The following NPM1 variants were observed in gnomAD, a reference collection of about 807,000 sequenced individuals.
The protein encoded by NPM1 is nucleophosmin 1.
NPM1 carries 1 observed loss-of-function variant against 44.1 expected under a neutral mutation model. The ratio of observed to expected loss-of-function variants is 0.02; its 90% CI spans 0.01 to 0.11. The LOEUF (loss-of-function observed/expected upper bound fraction) is 0.11. Among genes scored for constraint, NPM1 ranks in the 10% least tolerant of loss-of-function variants. The pLI, the probability that NPM1 is intolerant of heterozygous loss-of-function variation, is 1.00. For synonymous variants in NPM1, 126 were observed against 111.8 expected, an observed-to-expected ratio of 1.13 and a Z score of -0.80; for missense variants, 197 against 347.8, an observed-to-expected ratio of 0.57 and a Z score of 3.45.
intron 8 of NPM1, among the ~76,000 whole-genome samples, chr5:171,403,376 A>G (rs1332761824): frequency 4.0e-5 from 4 of 100,444 alleles, no homozygotes; most frequent in Non-Finnish European, 8.6e-5. Flanking sequence ...CTTAGTGCAG[A>G]ACAAAATGAA....
At chr5:171,406,575 T>G (rs760568553) in intron 9 of NPM1, 48 of 1,432,396 alleles carry the variant, frequency 3.4e-5, no homozygotes, top group Non-Finnish European at 4.1e-5. Context: ...CTGGAAACAA[T>G]CTCTTGGTTC....
intron 8 of NPM1, among the ~76,000 whole-genome samples, chr5:171,402,927 A>G (rs1771292320): frequency 7.3e-6 from 1 of 137,556 alleles, no homozygotes; most frequent in African/African-American, 2.7e-5. Flanking sequence ...TCTTTTCTTC[A>G]TAAATTACCC....
rs1307242486 is a variant in NPM1 at position 171,391,216 on chromosome 5, G to A, written c.139-89G>A. The A allele has an allele frequency of 1.7e-5, 24 of 1,427,068 alleles. No homozygotes were observed. The East Asian group carries it at 5.3e-4, about 31-fold the overall frequency. The allele number at this position is 1,427,068 out of a possible 1,614,324, so 88.4% of individuals were successfully genotyped here. ...TCTCAGAACCTAGCCCTGTGGTTAA[G>A]TGACGCATGGCTGCATATAACATTT... On this transcript the variant is annotated intron_variant, in intron 2 of 10. Coordinates refer to ENST00000296930, the MANE Select transcript of NPM1 (RefSeq NM_002520.7).
At chr5:171,406,356 C>G in intron 9 of NPM1, 1 of 1,565,294 alleles carries the variant, frequency 6.4e-7, no homozygotes, top group Non-Finnish European at 8.8e-7. Flanking sequence ...TGCCCCTCCC[C>G]TCCATTTTAA....
At chr5:171,388,078 G>GGGGGGGGGGGGGGGT in intron 1 of NPM1, 72 bp downstream of exon 1, 1 of 616,752 alleles carries the variant, frequency 1.6e-6, no homozygotes, top group East Asian at 3.9e-5. Flanking sequence ...TGAGGGGCGG[G>GGGGGGGGGGGGGGGT]AATCCGGCTG....
intron 1 of NPM1, among the ~76,000 whole-genome samples, chr5:171,389,640 C>T (rs372275488): frequency 6.6e-5 from 10 of 152,126 alleles, no homozygotes; most frequent in Admixed American, 3.9e-4. Context: ...GTAAGCTATT[C>T]ATGTTTGTAA....
intron 6 of NPM1, among the ~76,000 whole-genome samples, chr5:171,394,041 C>CT (rs144186175): frequency 0.21 from 20,295 of 96,744 alleles, 2,345 homozygotes; most frequent in Middle Eastern, 0.27. Flanking sequence ...TTTTTGTTTT[C>CT]TTTTTTTTTT....
At chr5:171,388,513 C>T (rs747913245) in intron 1 of NPM1, among the ~76,000 whole-genome samples, 3 of 145,122 alleles carry the variant, frequency 2.1e-5, no homozygotes, top group Non-Finnish European at 4.5e-5. Flanking sequence ...TCGCGTGCTT[C>T]GGCCAGTTAC....
intron 6 of NPM1, among the ~76,000 whole-genome samples, chr5:171,394,986 C>G (rs1449703445): frequency 6.6e-6 from 1 of 152,066 alleles, no homozygotes; most frequent in Non-Finnish European, 1.5e-5. Context: ...CAAGACCAGC[C>G]TGGCCAACAT....
intron 8 of NPM1, among the ~76,000 whole-genome samples, chr5:171,402,300 T>G (rs966453493): frequency 1.3e-5 from 2 of 150,880 alleles, no homozygotes; most frequent in Admixed American, 1.3e-4. Context: ...GAAACCACAA[T>G]GAGATACCAT....
At chr5:171,402,083 AG>A (rs1251513136) in intron 8 of NPM1, among the ~76,000 whole-genome samples, 1 of 145,384 alleles carries the variant, frequency 6.9e-6, no homozygotes, top group African/African-American at 2.5e-5. Context: ...CTGATGAAAT[AG>A]TTTATTTACA....
rs543540163 is a variant in NPM1 at position 171,403,983 on chromosome 5, C to T, written c.670-1319C>T. ...GGGGCTGACCCCCCCATCTCCCGGA[C>T]GGGGTGGCTGGCCGGGCTGAGGGGC... On this transcript the variant is annotated intron_variant, in intron 8 of 10. Transcript: ENST00000296930. Among the ~76,000 whole-genome samples, 480 of 81,022 alleles carry T rather than the reference C, an allele frequency of 5.9e-3. 57 individuals carry two copies. The highest frequency in any genetic ancestry group is 0.024 in the African/African-American group (462 of 19,428). 53.2% of individuals were successfully genotyped at this position (81,022 alleles called of 152,430 possible).
Position 171,407,463 on chromosome 5 carries a change from G to A in NPM1, c.772-237G>A, listed in dbSNP as rs935914310. On this transcript the variant is annotated intron_variant, in intron 9 of 10. Coordinates refer to ENST00000296930, the MANE Select transcript of NPM1 (RefSeq NM_002520.7). The stretch of plus-strand genomic sequence containing the variant: ...GTGTAGCTTATATTTTATGTTCCTA[G>A]AGAGGTTGTCAGGGAAGATTTGACC... 3 of 525,400 alleles carry A rather than the reference G, an allele frequency of 5.7e-6. No individual in the cohort carries two copies. In the African/African-American group the frequency reaches 6.0e-5, roughly 10 times the overall value. 32.5% of individuals were successfully genotyped at this position (525,400 alleles called of 1,614,324 possible). A position where few individuals can be genotyped will look rare whatever the true frequency, so the allele number is the denominator to read the frequency against.
At chr5:171,407,848 T>C in intron 10 of NPM1, 74 bp downstream of exon 10, 1 of 889,892 alleles carries the variant, frequency 1.1e-6, no homozygotes. Context: ...CTTTACCCTT[T>C]TTAAGTGTTG....
intron 8 of NPM1, among the ~76,000 whole-genome samples, chr5:171,403,615 G>A (rs1427245889): frequency 8.2e-6 from 1 of 121,722 alleles, no homozygotes; most frequent in Non-Finnish European, 1.8e-5. Context: ...TCCCGGACGG[G>A]GCGGCTGGCC....
At chr5:171,391,206 C>T (rs1460501561) in intron 2 of NPM1, 99 bp from the exon 3 acceptor site, 1 of 1,336,108 alleles carries the variant, frequency 7.5e-7, no homozygotes, top group Non-Finnish European at 1.0e-6. Context: ...GAACCTAGCC[C>T]TGTGGTTAAG....
At chr5:171,410,342 T>TTA (rs1342028909) in intron 10 of NPM1, among the ~76,000 whole-genome samples, 185 bp from the exon 11 acceptor site, 1 of 152,226 alleles carries the variant, frequency 6.6e-6, no homozygotes, top group Non-Finnish European at 1.5e-5. Context: ...TTATGACTGA[T>TTA]TAAAGTGTTT....
At chr5:171,390,169 G>T in intron 2 of NPM1, 39 bp downstream of exon 2, 2 of 1,178,886 alleles carry the variant, frequency 1.7e-6, no homozygotes, top group South Asian at 3.0e-5. Flanking sequence ...AACCCTACTT[G>T]ATTTCAGCCT....
chr5:171,390,163 C>G (rs1401000291), intron 2 of NPM1, 33 bp downstream of exon 2: 11 of 1,246,044 alleles, frequency 8.8e-6, no homozygotes, highest in African/African-American at 1.5e-5. Flanking sequence ...CTACTTAACC[C>G]TACTTGATTT....
Sources: allele counts gnomAD v4.1 joint callset (sites outside exome capture counted in the v4.1 genomes callset), GRCh38; gene constraint gnomAD v4.1.1; transcripts MANE v1.5; gene names NCBI Gene and HGNC (gene_info 2026-07-23, HGNC 2026-07-21).